ARSB: variants seen among roughly 807,000 people sequenced by gnomAD.
ARSB encodes the protein N-acetylgalactosamine-4-sulfatase.
ARSB carries 41 observed loss-of-function variants against 50.9 expected under a neutral mutation model. That is an observed-to-expected ratio of 0.81 (90% CI 0.63 to 1.04). ARSB has a LOEUF of 1.04. Ranked by LOEUF, ARSB falls within the 50% of genes least tolerant of loss-of-function variation. ARSB has a pLI of 0.00. For synonymous variants in ARSB, 269 were observed against 284.8 expected, an observed-to-expected ratio of 0.94 and a Z score of 0.56; for missense variants, 672 against 693.3, an observed-to-expected ratio of 0.97 and a Z score of 0.35.
At chr5:78,976,440 T>C (rs556376414) in intron 1 of ARSB, among the ~76,000 whole-genome samples, 2 of 152,074 alleles carry the variant, frequency 1.3e-5, no homozygotes, top group Admixed American at 6.5e-5. Context: ...CTCAGTCTCC[T>C]GTGTAGCTGG....
At chr5:78,974,608 G>A (rs189824368) in intron 1 of ARSB, among the ~76,000 whole-genome samples, 178 of 152,272 alleles carry the variant, frequency 1.2e-3, no homozygotes, top group African/African-American at 4.0e-3. Flanking sequence ...GACAAACCTC[G>A]TAAATCAAGC....
intron 3 of ARSB, among the ~76,000 whole-genome samples, chr5:78,956,345 C>T (rs899137338): frequency 6.6e-6 from 1 of 151,882 alleles, no homozygotes. Context: ...AGGGTGGTTG[C>T]CTGGGGCTGT....
chr5:78,919,079 A>T lies in ARSB; in HGVS notation c.899-33252T>A, dbSNP rs1467715226. On this transcript the variant is annotated intron_variant, in intron 4 of 7. Transcript: ENST00000264914. Reference sequence around the variant, plus strand: ...TTCAATACAGGAAGCTAGGAACCCCACTCTCCAATCTGAGAGAAGAAGGTG... The same window carrying T: ...TTCAATACAGGAAGCTAGGAACCCCTCTCTCCAATCTGAGAGAAGAAGGTG... 2.0e-5 allele frequency among the ~76,000 whole-genome samples: 3 copies of T among 152,254 alleles called. No individual in the cohort carries two copies. In the East Asian group the frequency reaches 5.8e-4, roughly 29 times the overall value.
rs192286888 is a variant in ARSB at position 78,820,006 on chromosome 5, G to A, written c.1213+19350C>T. ...ATTGGGAAGTGATTAGGCCCTGGGGGCTCCACCCTCATGGATAGGATTAGT... is the reference window on the plus strand; with the variant it reads ...ATTGGGAAGTGATTAGGCCCTGGGGACTCCACCCTCATGGATAGGATTAGT... On this transcript the variant is annotated intron_variant, in intron 6 of 7. Coordinates refer to ENST00000264914, the MANE Select transcript of ARSB (RefSeq NM_000046.5). Among the ~76,000 whole-genome samples the A allele has an allele frequency of 1.9e-4, 29 of 152,360 alleles. No individual in the cohort carries two copies. The East Asian group carries it at 3.9e-3, about 20-fold the overall frequency.
At chr5:78,954,661 T>A (rs553703331) in intron 4 of ARSB, among the ~76,000 whole-genome samples, 42 of 152,200 alleles carry the variant, frequency 2.8e-4, no homozygotes, top group African/African-American at 9.4e-4. Flanking sequence ...CTCGCCACCA[T>A]GCCCGGCTAA....
chr5:78,863,963 TC>T (rs1353309611), intron 5 of ARSB, among the ~76,000 whole-genome samples: 1 of 151,894 alleles, frequency 6.6e-6, no homozygotes, highest in East Asian at 1.9e-4. Flanking sequence ...AAATTTAAAA[TC>T]CCTTCATACA....
intron 4 of ARSB, among the ~76,000 whole-genome samples, chr5:78,947,264 C>T (rs143657547): frequency 1.3e-5 from 2 of 152,154 alleles, no homozygotes; most frequent in African/African-American, 4.8e-5. Flanking sequence ...GTAACCAAAG[C>T]AAAAATGGAC....
intron 3 of ARSB, among the ~76,000 whole-genome samples, chr5:78,960,730 A>T (rs7700275): frequency 4.7e-4 from 71 of 152,018 alleles, no homozygotes; most frequent in African/African-American, 1.7e-3. Context: ...AGGCCTGGCT[A>T]ATTTTTGTAT....
At chr5:78,878,342 A>C (rs934398555) in intron 5 of ARSB, among the ~76,000 whole-genome samples, 2 of 152,224 alleles carry the variant, frequency 1.3e-5, no homozygotes, top group Non-Finnish European at 1.5e-5. Flanking sequence ...CATTTCTACC[A>C]GATATTTAAA....
chr5:78,850,996 T>G (rs36186839), intron 5 of ARSB, among the ~76,000 whole-genome samples: 1 of 151,920 alleles, frequency 6.6e-6, no homozygotes, highest in African/African-American at 2.4e-5. Flanking sequence ...TTTGTTGATC[T>G]TTTCAAAAAA....
intron 6 of ARSB, among the ~76,000 whole-genome samples, chr5:78,792,357 C>G (rs570777743): frequency 6.8e-6 from 1 of 147,436 alleles, no homozygotes. Flanking sequence ...CCAGCCTGGA[C>G]GACAGAGTGA....
intron 5 of ARSB, among the ~76,000 whole-genome samples, chr5:78,841,527 G>C (rs1745213721): frequency 6.6e-6 from 1 of 151,978 alleles, no homozygotes; most frequent in Admixed American, 6.6e-5. Context: ...AAAAATAAAG[G>C]CTTTTTCTGG....
rs754166100 is a variant in ARSB at position 78,985,052 on chromosome 5, C to T, written c.197G>A (p.Arg66His). The change falls in exon 1 of 8, where the codon CGC (arginine) becomes CAC (histidine). Residue 66 changes from arginine (R) to histidine (H), a missense_variant. Physicochemically the swap from Arg to His is conservative, Grantham distance 29. Coordinates refer to ENST00000264914, the MANE Select transcript of ARSB (RefSeq NM_000046.5). ...CGCGTCCAGGTGCGGCGTGCGGATG[C>T]GGGAGCCGTGGAAGCCGACGTCGTT... ...GWNDVGFHGS[R>H]IRTPHLDALA... 7 of 1,540,534 alleles carry T rather than the reference C, an allele frequency of 4.5e-6. No individual in the cohort carries two copies. The South Asian group carries it at 6.0e-5, about 13-fold the overall frequency.
intron 6 of ARSB, among the ~76,000 whole-genome samples, chr5:78,832,506 A>C (rs2112698596): frequency 6.6e-6 from 1 of 152,310 alleles, no homozygotes; most frequent in Non-Finnish European, 1.5e-5. Context: ...CTGAATAAAC[A>C]ATCTTGGAAA....
chr5:78,977,519 A>G (rs1283476845), intron 1 of ARSB, among the ~76,000 whole-genome samples: 1 of 152,090 alleles, frequency 6.6e-6, no homozygotes. Flanking sequence ...TTCAGATTAT[A>G]AGCACCAAGA....
intron 5 of ARSB, among the ~76,000 whole-genome samples, chr5:78,861,187 A>G (rs776644680): frequency 3.9e-5 from 6 of 152,194 alleles, no homozygotes; most frequent in Admixed American, 6.5e-5. Flanking sequence ...AGAGGTACAA[A>G]GAGGAGCTGG....
chr5:78,858,551 A>G (rs560107693), intron 5 of ARSB, among the ~76,000 whole-genome samples: 1 of 152,302 alleles, frequency 6.6e-6, no homozygotes, highest in Non-Finnish European at 1.5e-5. Context: ...GGGCAACAAA[A>G]CATTTCCCAT....
chr5:78,871,293 T>C (rs1237363566), intron 5 of ARSB, among the ~76,000 whole-genome samples: 9 of 152,190 alleles, frequency 5.9e-5, no homozygotes, highest in Admixed American at 3.9e-4. Context: ...AATGACTTTC[T>C]TCACAGAATT....
chr5:78,833,215 A>G (rs553413482), intron 6 of ARSB, among the ~76,000 whole-genome samples: 1 of 152,206 alleles, frequency 6.6e-6, no homozygotes, highest in East Asian at 1.9e-4. Flanking sequence ...CTACCCTGGG[A>G]TTATGGCTGT....
Sources: gnomAD v4.1 joint callset for allele counts (sites outside exome capture counted in the v4.1 genomes callset) on GRCh38, gnomAD v4.1.1 for gene constraint, MANE v1.5 for transcripts, NCBI Gene and HGNC (gene_info 2026-07-23, HGNC 2026-07-21) for gene names.